EYA2: variants seen among roughly 807,000 people sequenced by gnomAD.
The protein encoded by EYA2 is EYA transcriptional coactivator and phosphatase 2.
Under a neutral mutation model 69.2 loss-of-function variants are expected in EYA2, and 31 were observed. That is an observed-to-expected ratio of 0.45 (90% CI 0.34 to 0.60). The LOEUF (loss-of-function observed/expected upper bound fraction) is 0.60. Ranked by LOEUF, EYA2 falls within the 20% of genes least tolerant of loss-of-function variation. EYA2 has a pLI of 0.02. For missense variants in EYA2, 622 were observed against 701.2 expected (o/e 0.89, Z 1.28); for synonymous variants, 257 against 279.4 (o/e 0.92, Z 0.80).
At chr20:46,954,096 C>G (rs915439265) in intron 1 of EYA2, among the ~76,000 whole-genome samples, 1 of 152,218 alleles carries the variant, frequency 6.6e-6, no homozygotes, top group Non-Finnish European at 1.5e-5. Context: ...CTGCTCTGTC[C>G]TGTTGCTCTT....
At chr20:47,055,104 G>A (rs192840892) in intron 5 of EYA2, among the ~76,000 whole-genome samples, 9 of 152,242 alleles carry the variant, frequency 5.9e-5, no homozygotes, top group African/African-American at 1.9e-4. Flanking sequence ...GTTAGTTCAG[G>A]TGCACACCCC....
rs1364587559 is a variant in EYA2, at chr20:47,153,460, A to G, written c.978+10312A>G. 2.0e-5 allele frequency among the ~76,000 whole-genome samples: 3 copies of G among 151,696 alleles called. 1 individual carries two copies. Among genetic ancestry groups the G allele is most frequent in the South Asian group, 4.2e-4 (2 of 4,712 alleles). On this transcript the variant is annotated intron_variant, in intron 10 of 15. Coordinates refer to ENST00000327619, the MANE Select transcript of EYA2 (RefSeq NM_005244.5). ...GTTTGAGACCAGCCTGGGCAACATG[A>G]CAAAACCCCATATCTTCAAAAAATA...
intron 9 of EYA2, among the ~76,000 whole-genome samples, chr20:47,103,276 CT>C (rs1012017978): frequency 6.6e-6 from 1 of 151,714 alleles, no homozygotes; most frequent in East Asian, 1.9e-4. Flanking sequence ...CCTTCTCCCC[CT>C]GGCCCCTGAC....
At chr20:46,985,404 GT>G (rs1275652549) in intron 1 of EYA2, among the ~76,000 whole-genome samples, 2 of 152,252 alleles carry the variant, frequency 1.3e-5, no homozygotes, top group African/African-American at 2.4e-5. Flanking sequence ...CTGTCCCAGA[GT>G]TCAGACTCAT....
chr20:47,163,345 T>A (rs1212035453), intron 10 of EYA2, among the ~76,000 whole-genome samples: 2 of 152,166 alleles, frequency 1.3e-5, no homozygotes, highest in Non-Finnish European at 2.9e-5. Flanking sequence ...GTATGATTCT[T>A]TAACCTGCGT....
chr20:47,107,712 GGAAGAAGAA>G (rs368721999), intron 9 of EYA2, among the ~76,000 whole-genome samples: 4 of 141,286 alleles, frequency 2.8e-5, no homozygotes, highest in Non-Finnish European at 6.1e-5. Flanking sequence ...AAGAGAAGAA[GGAAGAAGAA>G]GAAGAAGAAA....
At chr20:47,182,563 A>G (rs977594419) in intron 14 of EYA2, among the ~76,000 whole-genome samples, 2 of 145,346 alleles carry the variant, frequency 1.4e-5, no homozygotes, top group African/African-American at 5.2e-5. Flanking sequence ...CAGGAGGCAG[A>G]GGTTGCAGTG....
chr20:47,074,138 G>T lies in EYA2; in HGVS notation c.484-20G>T, dbSNP rs2031420873. The T allele has an allele frequency of 1.3e-6, 2 of 1,580,238 alleles. No homozygotes were observed. Among genetic ancestry groups the T allele is most frequent in the African/African-American group, 2.7e-5 (2 of 74,100 alleles). ...AAAGGCTTCCTCACATATGTCCTTG[G>T]TTTGTTTTTCTCTTCCCAGGACTAT... is the stretch of plus-strand genomic sequence containing the variant. On this transcript the variant is annotated intron_variant, in intron 6 of 15. Transcript: ENST00000327619.
chr20:46,958,739 G>T (rs59656185), intron 1 of EYA2, among the ~76,000 whole-genome samples: 4,945 of 152,178 alleles, frequency 0.032, 249 homozygotes, highest in African/African-American at 0.11. Flanking sequence ...CCCCCTCTGT[G>T]TGTCCATGTA....
At chr20:46,936,396 G>A (rs377423398) in intron 1 of EYA2, among the ~76,000 whole-genome samples, 5 of 152,164 alleles carry the variant, frequency 3.3e-5, no homozygotes, top group East Asian at 3.9e-4. Context: ...GCTTGAACCC[G>A]GGAGGCAGAG....
chr20:47,002,960 A>C (rs1336986384), intron 3 of EYA2, among the ~76,000 whole-genome samples: 6 of 152,230 alleles, frequency 3.9e-5, no homozygotes, highest in African/African-American at 7.2e-5. Flanking sequence ...AAACTTTTGC[A>C]TTCACCTGCT....
intron 7 of EYA2, among the ~76,000 whole-genome samples, chr20:47,081,633 G>A (rs1039254474): frequency 2.0e-5 from 3 of 151,530 alleles, no homozygotes; most frequent in African/African-American, 7.3e-5. Flanking sequence ...ACAAAAATTA[G>A]CCAGGCGTGG....
intron 1 of EYA2, among the ~76,000 whole-genome samples, chr20:46,932,422 G>A (rs1229602041): frequency 2.0e-5 from 3 of 152,162 alleles, no homozygotes; most frequent in Non-Finnish European, 4.4e-5. Flanking sequence ...TGTAGGTGAG[G>A]GGTGATATGG....
chr20:47,085,510 G>A lies in EYA2; in HGVS notation c.662-3729G>A, dbSNP rs145830160. ...AAAATACAAAAATTAGCTGGGCGTGGTGGTGCATGCCTGTAATCCCAGCTA... is the reference window on the plus strand; with the variant it reads ...AAAATACAAAAATTAGCTGGGCGTGATGGTGCATGCCTGTAATCCCAGCTA... On this transcript the variant is annotated intron_variant, in intron 7 of 15. Transcript: ENST00000327619. Among the ~76,000 whole-genome samples the A allele has an allele frequency of 5.5e-3, 836 of 152,104 alleles. 9 individuals are homozygous for A. Among genetic ancestry groups the A allele is most frequent in the African/African-American group, 0.019 (798 of 41,500 alleles).
chr20:47,026,514 CAAAAAA>C (rs531562167), intron 5 of EYA2, among the ~76,000 whole-genome samples: 1 of 148,540 alleles, frequency 6.7e-6, no homozygotes, highest in East Asian at 2.0e-4. Context: ...AGCAAACAAA[CAAAAAA>C]AAAGAAAACA....
At chr20:47,072,647 A>G (rs1600687608) in intron 6 of EYA2, among the ~76,000 whole-genome samples, 1 of 152,164 alleles carries the variant, frequency 6.6e-6, no homozygotes, top group Admixed American at 6.5e-5. Context: ...AGCCCAGCAC[A>G]CAGTGGGGGC....
intron 10 of EYA2, among the ~76,000 whole-genome samples, chr20:47,152,406 G>T (rs1175606146): frequency 1.4e-5 from 2 of 145,094 alleles, no homozygotes; most frequent in Non-Finnish European, 3.0e-5. Flanking sequence ...TTTTCTCAAA[G>T]AGTGGGCATT....
At chr20:47,037,858 G>T (rs1392762165) in intron 5 of EYA2, among the ~76,000 whole-genome samples, 1 of 152,030 alleles carries the variant, frequency 6.6e-6, no homozygotes. Flanking sequence ...ATTTCCCTTT[G>T]CCACACATGT....
chr20:46,905,150 T>C (rs999476264), intron 1 of EYA2, among the ~76,000 whole-genome samples: 1 of 151,372 alleles, frequency 6.6e-6, no homozygotes, highest in Admixed American at 6.6e-5. Context: ...CTCACAGGAG[T>C]TATTATGTGA....
Sources: gnomAD v4.1 joint callset for allele counts (sites outside exome capture counted in the v4.1 genomes callset) on GRCh38, gnomAD v4.1.1 for gene constraint, MANE v1.5 for transcripts, NCBI Gene and HGNC (gene_info 2026-07-23, HGNC 2026-07-21) for gene names.